Variants in ABCA12 observed in about 807,000 individuals in gnomAD.
ABCA12 encodes ATP binding cassette subfamily A member 12, also known as glucosylceramide transporter ABCA12.
A neutral mutation model predicts 293.5 loss-of-function variants in ABCA12; 156 were observed. The ratio of observed to expected loss-of-function variants is 0.53; its 90% CI spans 0.47 to 0.61. ABCA12 has a LOEUF of 0.61. Ranked by LOEUF, ABCA12 falls within the 20% of genes least tolerant of loss-of-function variation. The pLI is 0.00. For synonymous variants in ABCA12, 1,063 were observed against 1,108.0 expected (o/e 0.96, Z 0.81); for missense variants, 2,797 against 3,090.2 (o/e 0.91, Z 2.25).
At chr2:214,956,141 C>A (rs1397172422) in intron 42 of ABCA12, among the ~76,000 whole-genome samples, 1 of 152,080 alleles carries the variant, frequency 6.6e-6, no homozygotes, top group African/African-American at 2.4e-5. Flanking sequence ...AGGGTTACTA[C>A]CATGTATTCA....
At chr2:215,108,452 A>G (rs2106124500) in intron 2 of ABCA12, among the ~76,000 whole-genome samples, 1 of 152,266 alleles carries the variant, frequency 6.6e-6, no homozygotes, top group South Asian at 2.1e-4. Context: ...TGAGCTTAAA[A>G]CAAGATTCTG....
intron 1 of ABCA12, among the ~76,000 whole-genome samples, chr2:215,132,244 A>C (rs546089621): frequency 6.6e-6 from 1 of 152,038 alleles, no homozygotes; most frequent in Non-Finnish European, 1.5e-5. Context: ...ATAAATGTCT[A>C]TTAGGTCCTT....
chr2:215,024,361 G>A (rs1157084762), intron 11 of ABCA12, among the ~76,000 whole-genome samples: 1 of 151,962 alleles, frequency 6.6e-6, no homozygotes, highest in African/African-American at 2.4e-5. Flanking sequence ...TAGTATTATG[G>A]GAGTACATAT....
intron 2 of ABCA12, chr2:215,075,806 C>T: frequency 2.0e-6 from 1 of 490,614 alleles, no homozygotes; most frequent in Non-Finnish European, 3.6e-6. Context: ...CAGTTATTAT[C>T]ACAGTGAATT....
rs1703277053 is a variant in ABCA12 at position 215,138,381 on chromosome 2, T to C, written c.-173A>G. ...AGTTCTTCTGTTTCTGCTGGATTTT[T>C]CCCTGTGGTTAATCCTTAACCAAGA... On this transcript the variant is annotated 5_prime_UTR_variant, in exon 1 of 53. Coordinates refer to ENST00000272895, the MANE Select transcript of ABCA12 (RefSeq NM_173076.3). 1.4e-6 allele frequency: 1 copy of C among 703,288 alleles called. No homozygotes were observed. 43.6% of individuals were successfully genotyped at this position (703,288 alleles called of 1,614,324 possible).
chr2:215,007,892 T>C, intron 18 of ABCA12, 46 bp from the exon 19 acceptor site: 4 of 1,611,350 alleles, frequency 2.5e-6, no homozygotes, highest in South Asian at 1.1e-5. Context: ...TAGTATTTTG[T>C]CTATATTTTA....
At chr2:214,987,886 G>A in intron 26 of ABCA12, 93 bp from the exon 27 acceptor site, 1 of 1,491,694 alleles carries the variant, frequency 6.7e-7, no homozygotes. Context: ...TATGGTTTAG[G>A]AAGTAGTTTT....
At chr2:215,056,902 GCTT>G (rs1396145465) in intron 3 of ABCA12, among the ~76,000 whole-genome samples, 1 of 152,046 alleles carries the variant, frequency 6.6e-6, no homozygotes, top group African/African-American at 2.4e-5. Flanking sequence ...AGCACTACAT[GCTT>G]CTTAGAACAG....
At chr2:215,048,938 T>C (rs1701261494) in intron 6 of ABCA12, among the ~76,000 whole-genome samples, 1 of 152,050 alleles carries the variant, frequency 6.6e-6, no homozygotes, top group Non-Finnish European at 1.5e-5. Flanking sequence ...CACTTATAAG[T>C]GGGAGCTACA....
chr2:214,979,635 C>T (rs1013573176), intron 31 of ABCA12, among the ~76,000 whole-genome samples: 1 of 152,138 alleles, frequency 6.6e-6, no homozygotes, highest in South Asian at 2.1e-4. Context: ...ATTCCTCACA[C>T]TCCATCAGAA....
intron 2 of ABCA12, among the ~76,000 whole-genome samples, chr2:215,108,100 G>A (rs938119452): frequency 1.4e-4 from 22 of 152,206 alleles, no homozygotes; most frequent in African/African-American, 5.3e-4. Context: ...TCATTTAGAG[G>A]TGGATTCTAG....
At chr2:215,137,940 A>G (rs1379832925) in intron 1 of ABCA12, among the ~76,000 whole-genome samples, 200 bp downstream of exon 1, 1 of 152,076 alleles carries the variant, frequency 6.6e-6, no homozygotes, top group Non-Finnish European at 1.5e-5. Context: ...TACTGAAATG[A>G]AAAGGCTGCT....
rs764606171 is a variant in ABCA12, at chr2:214,958,360, G to A, written c.6034C>T (p.His2012Tyr). 2 of 1,613,894 alleles carry A rather than the reference G, an allele frequency of 1.2e-6. No homozygotes were observed. The highest frequency in any genetic ancestry group is 1.3e-5 in the African/African-American group (1 of 74,916). The change falls in exon 41 of 53, where the codon CAT becomes TAT. Residue 2012 changes from histidine (H) to tyrosine (Y), a missense_variant. Physicochemically the swap from His to Tyr is moderately conservative, Grantham distance 83. This residue lies in a region of ABCA12 where 2,130 missense variants were observed against 2,427.0 expected (regional missense o/e 0.88). Transcript: ENST00000272895. ...TGCAACTGTTTGGCTTTGGTTTGAT[G>A]TTCCCTTACAACATAGGTGACAAAG... ...ASFVTYVVREHQTKAKQLQHI... is the reference protein window; with the variant it reads ...ASFVTYVVREYQTKAKQLQHI...
chr2:215,128,975 T>G (rs1017937147), intron 1 of ABCA12, among the ~76,000 whole-genome samples: 1 of 152,230 alleles, frequency 6.6e-6, no homozygotes, highest in Non-Finnish European at 1.5e-5. Context: ...CAGACTTTTT[T>G]GTCCCATGGG....
intron 3 of ABCA12, among the ~76,000 whole-genome samples, chr2:215,062,951 C>T (rs914743894): frequency 1.3e-5 from 2 of 151,886 alleles, no homozygotes; most frequent in African/African-American, 4.8e-5. Context: ...TTTTATTCAC[C>T]TCTGTATCCC....
chr2:215,075,695 G>T, intron 2 of ABCA12: 1 of 610,904 alleles, frequency 1.6e-6, no homozygotes, highest in East Asian at 2.9e-5. Context: ...ATATAATTTT[G>T]ATAACCCATT....
rs1265051384 is a variant in ABCA12 at position 214,981,965 on chromosome 2, TATTA to T, written c.4579+218_4579+221del. Among the ~76,000 whole-genome samples, 191 of 124,794 alleles carry T rather than the reference TATTA, an allele frequency of 1.5e-3. 2 individuals are homozygous for T. Among genetic ancestry groups the T allele is most frequent in the African/African-American group, 5.7e-3 (181 of 31,964 alleles). The allele number at this position is 124,794 out of a possible 152,430, so 81.9% of individuals were successfully genotyped here. Reference sequence around the variant, plus strand: ...TTTTTATTATTATTATTATTATTATTATTATTATTATTATTATTATTTTATTATT... The same window carrying T: ...TTTTTATTATTATTATTATTATTATTTTATTATTATTATTATTTTATTATT... On this transcript the variant is annotated intron_variant, in intron 30 of 52. Coordinates refer to ENST00000272895, the MANE Select transcript of ABCA12 (RefSeq NM_173076.3).
rs74553054 is a variant in ABCA12, at chr2:215,116,044, T to C, written c.70-4354A>G. Among the ~76,000 whole-genome samples the C allele has an allele frequency of 5.6e-3, 857 of 152,288 alleles. 4 individuals are homozygous for C. The highest frequency in any genetic ancestry group is 0.02 in the African/African-American group (815 of 41,546). On this transcript the variant is annotated intron_variant, in intron 1 of 52. Transcript: ENST00000272895. ...GCTTCTCACTGTCCTTCAAGGTAAT[T>C]ATAACAATTGGAAAAGAAGGAAACT...
intron 31 of ABCA12, 141 bp from the exon 32 acceptor site, chr2:214,979,181 C>A (rs1699593360): frequency 2.6e-6 from 2 of 763,116 alleles, no homozygotes; most frequent in Non-Finnish European, 4.6e-6. Context: ...CTCTAGAGAC[C>A]CCTTTGCCAC....
Sources: gnomAD v4.1 joint callset for allele counts (sites outside exome capture counted in the v4.1 genomes callset) on GRCh38, gnomAD v4.1.1 for gene constraint, gnomAD v4.1.1 regional missense constraint, MANE v1.5 for transcripts, NCBI Gene and HGNC (gene_info 2026-07-23, HGNC 2026-07-21) for gene names.